MTMR12: variants seen among roughly 807,000 people sequenced by gnomAD.
The protein encoded by MTMR12 is myotubularin-related protein 12.
MTMR12 carries 33 observed loss-of-function variants against 96.7 expected under a neutral mutation model. The observed-to-expected ratio is 0.34, with a 90% CI of 0.26 to 0.46. The LOEUF is 0.46. Among genes scored for constraint, MTMR12 ranks in the 20% least tolerant of loss-of-function variants. The pLI is 1.00. For missense variants in MTMR12, 721 were observed against 896.1 expected (o/e 0.80, Z 2.49); for synonymous variants, 298 against 327.2 (o/e 0.91, Z 0.96).
intron 7 of MTMR12, among the ~76,000 whole-genome samples, chr5:32,260,038 A>C (rs1749299943): frequency 3.2e-5 from 4 of 124,638 alleles, no homozygotes; most frequent in Admixed American, 7.8e-5. Flanking sequence ...TCAGTCTCCC[A>C]AAAAAAAAAA....
rs1554053391 is a variant in MTMR12, at chr5:32,228,569, C to CATATATATGTGAT, written c.*1208_*1209insATCACATATATAT. ...TCATATATATGTGATATATATATAT[C>CATATATATGTGAT]ATATATATATCATATATATGTGATA... is the stretch of plus-strand genomic sequence containing the variant. On this transcript the variant is annotated 3_prime_UTR_variant, in exon 16 of 16. Transcript: ENST00000382142. 3.5e-3 allele frequency: 397 copies of CATATATATGTGAT among 112,418 alleles called. 10 individuals carry two copies. Among genetic ancestry groups the CATATATATGTGAT allele is most frequent in the African/African-American group, 0.015 (363 of 24,986 alleles). The allele number at this position is 112,418 out of a possible 1,614,324, so 7.0% of individuals were successfully genotyped here. A position where few individuals can be genotyped will look rare whatever the true frequency, so the allele number is the denominator to read the frequency against.
chr5:32,311,018 T>A (rs928075140), intron 1 of MTMR12, among the ~76,000 whole-genome samples: 5 of 151,980 alleles, frequency 3.3e-5, no homozygotes, highest in Non-Finnish European at 7.4e-5. Flanking sequence ...GGATTACAGG[T>A]GCGCACCACC....
At chr5:32,308,340 GCAA>G (rs1247451898) in intron 1 of MTMR12, among the ~76,000 whole-genome samples, 1 of 151,728 alleles carries the variant, frequency 6.6e-6, no homozygotes, top group Non-Finnish European at 1.5e-5. Context: ...AAAGAAAGAA[GCAA>G]CAGCATGACA....
chr5:32,243,171 T>TA (rs1425807152), intron 11 of MTMR12, among the ~76,000 whole-genome samples: 4 of 152,152 alleles, frequency 2.6e-5, no homozygotes, highest in African/African-American at 9.7e-5. Flanking sequence ...GACACAAGAT[T>TA]AAAAAAGGTA....
intron 5 of MTMR12, among the ~76,000 whole-genome samples, chr5:32,269,708 A>G (rs1749758261): frequency 6.6e-6 from 1 of 152,220 alleles, no homozygotes; most frequent in African/African-American, 2.4e-5. Context: ...TGCCACATTA[A>G]GTCAGATACT....
intron 1 of MTMR12, among the ~76,000 whole-genome samples, chr5:32,304,570 C>A (rs1462306298): frequency 6.6e-6 from 1 of 152,210 alleles, no homozygotes; most frequent in Non-Finnish European, 1.5e-5. Flanking sequence ...CACACCATCA[C>A]ATAGGGTGGT....
At chr5:32,252,942 G>A (rs1287336005) in intron 8 of MTMR12, among the ~76,000 whole-genome samples, 3 of 152,178 alleles carry the variant, frequency 2.0e-5, no homozygotes, top group South Asian at 2.1e-4. Context: ...AGGGGCTTAC[G>A]GACACTCACA....
At chr5:32,235,940 G>A (rs1425406548) in intron 13 of MTMR12, among the ~76,000 whole-genome samples, 11 of 152,256 alleles carry the variant, frequency 7.2e-5, no homozygotes, top group Non-Finnish European at 1.6e-4. Flanking sequence ...GAGATGCCTG[G>A]AGGCCGGTCC....
rs556229723 is a variant in MTMR12 at position 32,228,727 on chromosome 5, T to C, written c.*1051A>G. On this transcript the variant is annotated 3_prime_UTR_variant, in exon 16 of 16. Coordinates refer to ENST00000382142, the MANE Select transcript of MTMR12 (RefSeq NM_001040446.3). ...TATGGCTTTTAAAATCACTGAGGTA[T>C]CATATGATAATCATCACTTCTGATA... 1.3e-5 allele frequency: 2 copies of C among 150,996 alleles called. No individual in the cohort carries two copies. Among genetic ancestry groups the C allele is most frequent in the Admixed American group, 1.3e-4 (2 of 15,002 alleles). The allele number at this position is 150,996 out of a possible 1,614,324, so 9.4% of individuals were successfully genotyped here. A position where few individuals can be genotyped will look rare whatever the true frequency, so the allele number is the denominator to read the frequency against.
chr5:32,293,709 C>G (rs1455856317), intron 1 of MTMR12, among the ~76,000 whole-genome samples: 1 of 152,188 alleles, frequency 6.6e-6, no homozygotes, highest in Non-Finnish European at 1.5e-5. Flanking sequence ...GATGAGCTCT[C>G]TCACTCAAAG....
intron 7 of MTMR12, 24 bp downstream of exon 7, chr5:32,263,089 A>ATG: frequency 6.2e-7 from 1 of 1,613,628 alleles, no homozygotes; most frequent in Non-Finnish European, 8.5e-7. Context: ...ATTGTACAGC[A>ATG]TGTGCCCAGC....
intron 7 of MTMR12, among the ~76,000 whole-genome samples, chr5:32,259,599 G>A (rs555535400): frequency 5.4e-4 from 82 of 152,312 alleles, no homozygotes; most frequent in Non-Finnish European, 5.4e-4. Context: ...CAGAGCTGTA[G>A]GTTGCAGAAA....
chr5:32,312,869 A>G lies in MTMR12; in HGVS notation c.-31T>C. On this transcript the variant is annotated 5_prime_UTR_variant, in exon 1 of 16. Transcript: ENST00000382142. The surrounding 1 kb of genome is among the most constrained non-coding windows in gnomAD (Gnocchi z 5.0). ...CGCCCTGGGAAGCAGCGACGCGCGG[A>G]CGCAGAGGCGGCGGCTCGGGCTCCA... is the stretch of plus-strand genomic sequence containing the variant. The G allele has an allele frequency of 1.3e-6, 2 of 1,510,174 alleles. No individual in the cohort carries two copies. Among genetic ancestry groups the G allele is most frequent in the South Asian group, 2.4e-5 (2 of 82,490 alleles). 93.5% of individuals were successfully genotyped at this position (1,510,174 alleles called of 1,614,324 possible).
In MTMR12 at chr5:32,291,700, G is replaced by A. The variant is rs188369720; in HGVS notation, c.82-14958C>T. 2.6e-3 allele frequency among the ~76,000 whole-genome samples: 389 copies of A among 152,238 alleles called. 1 individual carries two copies. The highest frequency in any genetic ancestry group is 4.3e-3 in the Non-Finnish European group (292 of 68,006). On this transcript the variant is annotated intron_variant, in intron 1 of 15. Coordinates refer to ENST00000382142, the MANE Select transcript of MTMR12 (RefSeq NM_001040446.3). Reference sequence around the variant, plus strand: ...CCATGGTGGCAGGGATGGAGGTTACGCATCAGCTCAGCAACATGGACTTCC... The same window carrying A: ...CCATGGTGGCAGGGATGGAGGTTACACATCAGCTCAGCAACATGGACTTCC...
At chr5:32,270,758 A>G in intron 5 of MTMR12, 59 bp downstream of exon 5, 1 of 1,531,704 alleles carries the variant, frequency 6.5e-7, no homozygotes, top group African/African-American at 1.4e-5. Flanking sequence ...AGCAAAAACT[A>G]GAGCTAGTGG....
chr5:32,267,814 TTATAA>T (rs1234040383), intron 6 of MTMR12, among the ~76,000 whole-genome samples: 1 of 152,174 alleles, frequency 6.6e-6, no homozygotes, highest in Non-Finnish European at 1.5e-5. Flanking sequence ...ACATTCCTAG[TTATAA>T]TATATTAATC....
chr5:32,240,964 G>A (rs1264220297), intron 12 of MTMR12, among the ~76,000 whole-genome samples: 1 of 152,092 alleles, frequency 6.6e-6, no homozygotes, highest in Non-Finnish European at 1.5e-5. Flanking sequence ...ATACTCCTGT[G>A]GGTAATGGAA....
At chr5:32,265,813 T>C (rs1749567667) in intron 6 of MTMR12, among the ~76,000 whole-genome samples, 1 of 152,212 alleles carries the variant, frequency 6.6e-6, no homozygotes, top group Non-Finnish European at 1.5e-5. Flanking sequence ...CCACTAACAA[T>C]TTATAATTCT....
intron 1 of MTMR12, among the ~76,000 whole-genome samples, chr5:32,294,294 C>T (rs1007827960): frequency 6.6e-6 from 1 of 152,018 alleles, no homozygotes; most frequent in Non-Finnish European, 1.5e-5. Context: ...CAGAACAGCA[C>T]TTTTCCTTTT....
Sources: gnomAD v4.1 joint callset for allele counts (sites outside exome capture counted in the v4.1 genomes callset) on GRCh38, gnomAD v4.1.1 for gene constraint, Gnocchi (gnomAD v3.1) non-coding constraint, MANE v1.5 for transcripts, NCBI Gene and HGNC (gene_info 2026-07-23, HGNC 2026-07-21) for gene names.